CHST9: variants seen among roughly 807,000 people sequenced by gnomAD.
The protein encoded by CHST9 is carbohydrate sulfotransferase 9.
CHST9 carries 41 observed loss-of-function variants against 44.4 expected under a neutral mutation model. That is an observed-to-expected ratio of 0.92 (90% CI 0.72 to 1.20). CHST9 has a LOEUF of 1.20. CHST9 is among the 50% of genes most tolerant of loss of function. The probability of loss-of-function intolerance (pLI) is 0.00; values close to 1 mark genes in which losing one functional copy is unlikely to be tolerated. For missense variants in CHST9, 504 were observed against 516.5 expected, an observed-to-expected ratio of 0.98 and a Z score of 0.23; for synonymous variants, 171 against 178.4, an observed-to-expected ratio of 0.96 and a Z score of 0.33.
rs565562574 is a variant in CHST9, at chr18:26,914,225, T to C, written c.*2034A>G. ...GCATTACAAATGCCAATAAGAGAGG[T>C]AGGACTGTTGTTTCCATTTTTTTCC... On this transcript the variant is annotated 3_prime_UTR_variant, in exon 6 of 6. Coordinates refer to ENST00000618847, the MANE Select transcript of CHST9 (RefSeq NM_031422.6). 1 of 152,240 alleles carries C rather than the reference T, an allele frequency of 6.6e-6. No homozygotes were observed. The highest frequency in any genetic ancestry group is 6.5e-5 in the Admixed American group (1 of 15,276). 9.4% of individuals were successfully genotyped at this position (152,240 alleles called of 1,614,324 possible).
chr18:27,075,322 A>G (rs1434217671), intron 2 of CHST9, among the ~76,000 whole-genome samples: 1 of 152,144 alleles, frequency 6.6e-6, no homozygotes, highest in Non-Finnish European at 1.5e-5. Flanking sequence ...AGTACTCAAG[A>G]TACACACAAA....
At chr18:27,018,608 T>C (rs1166643293) in intron 4 of CHST9, among the ~76,000 whole-genome samples, 1 of 152,188 alleles carries the variant, frequency 6.6e-6, no homozygotes, top group African/African-American at 2.4e-5. Flanking sequence ...ATAAGGGCTT[T>C]TCAGTTGAGA....
chr18:26,939,735 G>A (rs1437709125), intron 5 of CHST9, among the ~76,000 whole-genome samples: 3 of 152,164 alleles, frequency 2.0e-5, no homozygotes, highest in African/African-American at 7.2e-5. Flanking sequence ...GAACTTCACG[G>A]GGGAAACAGG....
In CHST9 at chr18:27,029,391, C is replaced by A. The variant is rs141300156; in HGVS notation, c.161-5234G>T. Reference sequence around the variant, plus strand: ...AATCTTGAAAGGGCATCGCGTCTCTCCAGCAAACAGTAACAACACAGAAGA... The same window carrying A: ...AATCTTGAAAGGGCATCGCGTCTCTACAGCAAACAGTAACAACACAGAAGA... On this transcript the variant is annotated intron_variant, in intron 3 of 5. Transcript: ENST00000618847. Among the ~76,000 whole-genome samples, 4 of 152,198 alleles carry A rather than the reference C, an allele frequency of 2.6e-5. No individual in the cohort carries two copies. The East Asian group carries it at 7.7e-4, about 29-fold the overall frequency.
chr18:27,162,812 C>T (rs1429744392), intron 1 of CHST9, among the ~76,000 whole-genome samples: 1 of 152,186 alleles, frequency 6.6e-6, no homozygotes, highest in African/African-American at 2.4e-5. Context: ...TCTCTCAAGT[C>T]GTCAAAGTCA....
chr18:27,146,556 T>G (rs1357112010), intron 1 of CHST9, among the ~76,000 whole-genome samples: 2 of 152,190 alleles, frequency 1.3e-5, no homozygotes, highest in Non-Finnish European at 2.9e-5. Context: ...GAGATTTAAA[T>G]TACTTGGAAT....
intron 2 of CHST9, among the ~76,000 whole-genome samples, chr18:27,062,559 A>G (rs2057737278): frequency 6.6e-6 from 1 of 152,122 alleles, no homozygotes; most frequent in Non-Finnish European, 1.5e-5. Context: ...CCAGTCTATC[A>G]TTGTTGGACA....
intron 2 of CHST9, among the ~76,000 whole-genome samples, chr18:27,111,724 G>C (rs1293570624): frequency 1.3e-5 from 2 of 152,200 alleles, no homozygotes; most frequent in Non-Finnish European, 2.9e-5. Context: ...CTGTCAGAAT[G>C]GTTCTGCAAC....
At chr18:27,047,290 G>A (rs1382934340) in intron 3 of CHST9, among the ~76,000 whole-genome samples, 2 of 151,736 alleles carry the variant, frequency 1.3e-5, no homozygotes, top group Non-Finnish European at 2.9e-5. Flanking sequence ...GCATTTAGAA[G>A]CAATTTAGAA....
intron 2 of CHST9, among the ~76,000 whole-genome samples, chr18:27,054,870 T>C (rs1471004057): frequency 1.3e-5 from 2 of 152,260 alleles, no homozygotes; most frequent in African/African-American, 4.8e-5. Context: ...ATGTACACTA[T>C]ATATATGTAG....
At chr18:27,008,665 G>A (rs538233884) in intron 4 of CHST9, among the ~76,000 whole-genome samples, 5 of 152,100 alleles carry the variant, frequency 3.3e-5, no homozygotes, top group Non-Finnish European at 7.4e-5. Context: ...AGTTCCTTGC[G>A]AGGCTAGGAG....
intron 4 of CHST9, among the ~76,000 whole-genome samples, chr18:27,008,224 C>A (rs749085501): frequency 6.6e-6 from 1 of 152,128 alleles, no homozygotes; most frequent in Non-Finnish European, 1.5e-5. Flanking sequence ...CAGGTGCCTT[C>A]TATTAACTTC....
intron 1 of CHST9, among the ~76,000 whole-genome samples, chr18:27,154,699 A>C (rs2058684820): frequency 6.6e-6 from 1 of 152,068 alleles, no homozygotes; most frequent in African/African-American, 2.4e-5. Flanking sequence ...GGTTTATCAC[A>C]GCGGTTCGGT....
chr18:27,154,953 G>A (rs1021642874), intron 1 of CHST9, among the ~76,000 whole-genome samples: 2 of 151,748 alleles, frequency 1.3e-5, no homozygotes, highest in African/African-American at 2.4e-5. Flanking sequence ...ATGGTAGTGC[G>A]CTCCTGTAAT....
At chr18:26,966,562 A>C (rs2056467563) in intron 4 of CHST9, among the ~76,000 whole-genome samples, 1 of 152,182 alleles carries the variant, frequency 6.6e-6, no homozygotes, top group Non-Finnish European at 1.5e-5. Context: ...ACTGGCTTGG[A>C]ATCTCTCTCT....
intron 2 of CHST9, among the ~76,000 whole-genome samples, chr18:27,124,597 T>TA (rs1388506184): frequency 6.6e-6 from 1 of 152,240 alleles, no homozygotes; most frequent in Admixed American, 6.5e-5. Context: ...TGATTGCTCA[T>TA]AACTCTTCAA....
chr18:27,158,217 T>C (rs2058713464), intron 1 of CHST9, among the ~76,000 whole-genome samples: 1 of 152,206 alleles, frequency 6.6e-6, no homozygotes, highest in South Asian at 2.1e-4. Context: ...ACTCATCATT[T>C]AACATTAGTT....
rs1394800178 is a variant in CHST9, at chr18:26,915,917, A to G, written c.*342T>C. On this transcript the variant is annotated 3_prime_UTR_variant, in exon 6 of 6. Coordinates refer to ENST00000618847, the MANE Select transcript of CHST9 (RefSeq NM_031422.6). ...AGACAATAAATTTCAGGATATAGAC[A>G]TACACTCATGCTATTTGAGATCCTT... is the stretch of plus-strand genomic sequence containing the variant. 2 of 192,870 alleles carry G rather than the reference A, an allele frequency of 1.0e-5. No individual in the cohort carries two copies. Among genetic ancestry groups the G allele is most frequent in the African/African-American group, 4.7e-5 (2 of 42,160 alleles). The allele number at this position is 192,870 out of a possible 1,614,324, so 11.9% of individuals were successfully genotyped here. A position where few individuals can be genotyped will look rare whatever the true frequency, so the allele number is the denominator to read the frequency against.
chr18:26,929,366 G>A (rs1426232335), intron 5 of CHST9, among the ~76,000 whole-genome samples: 1 of 152,188 alleles, frequency 6.6e-6, no homozygotes, highest in African/African-American at 2.4e-5. Flanking sequence ...GAATTAACTA[G>A]ATAAATGCAG....
Sources: allele counts gnomAD v4.1 joint callset (sites outside exome capture counted in the v4.1 genomes callset), GRCh38; gene constraint gnomAD v4.1.1; transcripts MANE v1.5; gene names NCBI Gene and HGNC (gene_info 2026-07-23, HGNC 2026-07-21).